CSMD2: variants seen among roughly 807,000 people sequenced by gnomAD.
CSMD2 encodes the protein CUB and Sushi multiple domains 2, also known as CUB and sushi domain-containing protein 2.
CSMD2 carries 130 observed loss-of-function variants against 398.5 expected under a neutral mutation model. That is an observed-to-expected ratio of 0.33 (90% CI 0.28 to 0.38). CSMD2 has a LOEUF of 0.38. Among genes scored for constraint, CSMD2 ranks in the 10% least tolerant of loss-of-function variants. The pLI, the probability that CSMD2 is intolerant of heterozygous loss-of-function variation, is 1.00. For missense variants in CSMD2, 3,829 were observed against 4,764.9 expected (o/e 0.80, Z 5.78); for synonymous variants, 1,828 against 1,908.5 (o/e 0.96, Z 1.10).
rs757997623 is a variant in CSMD2, at chr1:33,792,423, A to G, written c.1550T>C (p.Ile517Thr). 9.3e-6 allele frequency: 15 copies of G among 1,610,834 alleles called. No individual in the cohort carries two copies. The highest frequency in any genetic ancestry group is 1.3e-5 in the Non-Finnish European group (15 of 1,177,184). ...AAACAACATGCCCCACTGCACTTAC[A>G]TGTAGAGAACTGTCTTCTGGTCCCC... ...QDGDQKTVLY[I>T]LTGTSVPDLI... Residue 517 changes from isoleucine to threonine, a missense_variant and splice_region_variant, in exon 11 of 71, where the codon ATC (isoleucine) becomes ACC (threonine). This residue lies in a region of CSMD2 where 2,001 missense variants were observed against 2,567.1 expected (regional missense o/e 0.78). Transcript: ENST00000373381.
intron 2 of CSMD2, among the ~76,000 whole-genome samples, chr1:34,056,268 TC>T (rs937322112): frequency 2.6e-5 from 4 of 152,154 alleles, no homozygotes; most frequent in Non-Finnish European, 5.9e-5. Flanking sequence ...CTCTAATCTC[TC>T]CCAGCTCTGG....
At chr1:33,718,040 G>A (rs768457855) in intron 19 of CSMD2, among the ~76,000 whole-genome samples, 1 of 152,180 alleles carries the variant, frequency 6.6e-6, no homozygotes, top group Admixed American at 6.5e-5. Flanking sequence ...ACCCTGTGGC[G>A]TGGGTATGTT....
chr1:33,703,056 A>T (rs964427718), intron 22 of CSMD2, among the ~76,000 whole-genome samples: 1 of 152,098 alleles, frequency 6.6e-6, no homozygotes, highest in African/African-American at 2.4e-5. Context: ...CTATTTGTCT[A>T]TTCCTGTGCA....
At chr1:34,156,855 A>T (rs1171303175) in intron 1 of CSMD2, among the ~76,000 whole-genome samples, 1 of 152,158 alleles carries the variant, frequency 6.6e-6, no homozygotes, top group Non-Finnish European at 1.5e-5. Flanking sequence ...ATTCAGTTTA[A>T]AATTTTCCAA....
rs77601855 is a variant in CSMD2, at chr1:33,790,655, T to C, written c.1550+1768A>G. 2.9e-3 allele frequency among the ~76,000 whole-genome samples: 366 copies of C among 124,692 alleles called. 3 individuals are homozygous for C. The highest frequency in any genetic ancestry group is 0.011 in the African/African-American group (336 of 30,654). The allele number at this position is 124,692 out of a possible 152,430, so 81.8% of individuals were successfully genotyped here. ...AACAAATTATCTATCTATTTGCTGT[T>C]TGTCTGTCTATCTATCTATCTATCT... On this transcript the variant is annotated intron_variant, in intron 11 of 70. Coordinates refer to ENST00000373381, the MANE Select transcript of CSMD2 (RefSeq NM_001281956.2).
At chr1:34,070,303 G>T (rs1268312543) in intron 2 of CSMD2, among the ~76,000 whole-genome samples, 1 of 152,184 alleles carries the variant, frequency 6.6e-6, no homozygotes, top group Non-Finnish European at 1.5e-5. Flanking sequence ...GTCTCTGGTA[G>T]GTTTCCTCTC....
At chr1:33,772,412 C>A in intron 13 of CSMD2, 157 bp downstream of exon 13, 1 of 616,132 alleles carries the variant, frequency 1.6e-6, no homozygotes, top group Non-Finnish European at 2.9e-6. Flanking sequence ...AATAAGGACC[C>A]CACCAGCAAC....
chr1:34,035,016 T>C (rs1449660141), intron 2 of CSMD2, among the ~76,000 whole-genome samples: 1 of 152,206 alleles, frequency 6.6e-6, no homozygotes, highest in Non-Finnish European at 1.5e-5. Context: ...ATTTTTCACC[T>C]ATCTAGAGTT....
intron 3 of CSMD2, among the ~76,000 whole-genome samples, chr1:34,023,028 G>A (rs962810751): frequency 1.1e-4 from 17 of 152,084 alleles, no homozygotes; most frequent in African/African-American, 3.6e-4. Context: ...TAGAGATGGA[G>A]TTTTGCTATG....
intron 1 of CSMD2, among the ~76,000 whole-genome samples, chr1:34,150,169 C>A (rs1640174233): frequency 6.6e-6 from 1 of 150,596 alleles, no homozygotes; most frequent in Non-Finnish European, 1.5e-5. Context: ...GCAGCCTTGA[C>A]CTCCTGGGCT....
At chr1:33,545,653 G>GTTTCAACA in intron 57 of CSMD2, among the ~76,000 whole-genome samples, 1 of 152,250 alleles carries the variant, frequency 6.6e-6, no homozygotes, top group Admixed American at 6.5e-5. Flanking sequence ...GGGTGACCAG[G>GTTTCAACA]TTTCAACATA....
intron 5 of CSMD2, among the ~76,000 whole-genome samples, chr1:33,883,942 C>T (rs1641409700): frequency 6.6e-6 from 1 of 152,110 alleles, no homozygotes; most frequent in Admixed American, 6.5e-5. Context: ...CAGGGCGGGG[C>T]TGGGGTTCAT....
intron 19 of CSMD2, among the ~76,000 whole-genome samples, chr1:33,723,010 C>G (rs1024573025): frequency 6.6e-6 from 1 of 152,110 alleles, no homozygotes; most frequent in African/African-American, 2.4e-5. Flanking sequence ...TGACACTTTA[C>G]TTATATACTA....
At position 33,541,242 on chromosome 1, in the gene CSMD2, G is replaced by C; in HGVS notation, c.9345C>G (p.Asn3115Lys). 6.2e-7 allele frequency: 1 copy of C among 1,614,016 alleles called. No individual in the cohort carries two copies. Residue 3115 changes from asparagine to lysine, a missense_variant, in exon 59 of 71, where the codon AAC becomes AAG. This residue lies in a region of CSMD2 where 917 missense variants were observed against 1,199.5 expected (regional missense o/e 0.76). Transcript: ENST00000373381. Reference sequence around the variant, plus strand: ...GGACACACTGATATGTCACAGTTTTGTTGTACCTGAAGTCATTGCCCAGCC... The same window carrying C: ...GGACACACTGATATGTCACAGTTTTCTTGTACCTGAAGTCATTGCCCAGCC... ...GLRLGNDFRY[N>K]KTVTYQCVPG...
chr1:33,625,323 C>T (rs958129928), intron 33 of CSMD2, 69 bp from the exon 34 acceptor site: 56 of 1,429,718 alleles, frequency 3.9e-5, no homozygotes, highest in African/African-American at 3.4e-4. Flanking sequence ...GGACATACAA[C>T]GGGTCTGGAA....
At chr1:33,907,356 T>C (rs2125252141) in intron 5 of CSMD2, among the ~76,000 whole-genome samples, 1 of 152,022 alleles carries the variant, frequency 6.6e-6, no homozygotes, top group East Asian at 1.9e-4. Flanking sequence ...CTCGATCTCC[T>C]GACCTCGTGA....
chr1:33,623,384 A>C lies in CSMD2; in HGVS notation c.5708T>G (p.Leu1903Arg). 1 of 1,614,162 alleles carries C rather than the reference A, an allele frequency of 6.2e-7. No individual in the cohort carries two copies. Among genetic ancestry groups the C allele is most frequent in the Non-Finnish European group, 8.5e-7 (1 of 1,179,984 alleles). The change falls in exon 36 of 71, where the codon CTG becomes CGG. Residue 1903 changes from leucine to arginine, a missense_variant. By Grantham distance (102) the Leu-to-Arg change is moderately radical. Coordinates refer to ENST00000373381, the MANE Select transcript of CSMD2 (RefSeq NM_001281956.2). ...FDGADNTVTM[L>R]GSFSGTTVPA... ...ACCCAGCTTACCTGAGAAACTCCCC[A>C]GCATGGTTACAGTGTTATCTGCACC... is the stretch of plus-strand genomic sequence containing the variant.
At chr1:33,563,932 T>TA (rs1017706185) in intron 53 of CSMD2, among the ~76,000 whole-genome samples, 1 of 152,090 alleles carries the variant, frequency 6.6e-6, no homozygotes, top group African/African-American at 2.4e-5. Context: ...AGTAAACACT[T>TA]ACAAATATTT....
At chr1:33,971,541 G>A (rs965209383) in intron 3 of CSMD2, among the ~76,000 whole-genome samples, 3 of 152,214 alleles carry the variant, frequency 2.0e-5, no homozygotes, top group Non-Finnish European at 4.4e-5. Context: ...TGTGCTGTGC[G>A]TGGGTGAGAG....
Sources: gnomAD v4.1 joint callset for allele counts (sites outside exome capture counted in the v4.1 genomes callset) on GRCh38, gnomAD v4.1.1 for gene constraint, gnomAD v4.1.1 regional missense constraint, MANE v1.5 for transcripts, NCBI Gene and HGNC (gene_info 2026-07-23, HGNC 2026-07-21) for gene names.